Variants in ATP2A2 observed in about 807,000 individuals in gnomAD.
ATP2A2 encodes the protein sarcoplasmic/endoplasmic reticulum calcium ATPase 2.
In ATP2A2, 14 loss-of-function variants were observed where a neutral mutation model predicts 109.3. The ratio of observed to expected loss-of-function variants is 0.13; its 90% CI spans 0.08 to 0.20. The LOEUF (loss-of-function observed/expected upper bound fraction) is 0.20. ATP2A2 is among the 10% of genes least tolerant of loss of function. ATP2A2 has a pLI of 1.00. For synonymous variants in ATP2A2, 506 were observed against 490.9 expected (o/e 1.03, Z -0.41); for missense variants, 657 against 1,321.6 (o/e 0.50, Z 7.80).
At position 110,281,746 on chromosome 12, in the gene ATP2A2, AGGCCGCGGGGACGGGAGGCGAGGCC is replaced by A. The variant is rs1179395999; in HGVS notation, c.-38_-14del. Reference sequence around the variant, plus strand: ...GCCGGAGTGCGAGGCGGAGGCGAGGAGGCCGCGGGGACGGGAGGCGAGGCCGGCCGGGCCCCCGAAGCCATGGAGA... The same window carrying A: ...GCCGGAGTGCGAGGCGGAGGCGAGGAGGCCGGGCCCCCGAAGCCATGGAGA... On this transcript the variant is annotated 5_prime_UTR_variant, in exon 1 of 20. Coordinates refer to ENST00000539276, the MANE Select transcript of ATP2A2 (RefSeq NM_170665.4). 10 of 1,387,334 alleles carry A rather than the reference AGGCCGCGGGGACGGGAGGCGAGGCC, an allele frequency of 7.2e-6. No individual in the cohort carries two copies. Among genetic ancestry groups the A allele is most frequent in the East Asian group, 6.1e-5 (2 of 32,818 alleles). 85.9% of individuals were successfully genotyped at this position (1,387,334 alleles called of 1,614,324 possible). A position where few individuals can be genotyped will look rare whatever the true frequency, so the allele number is the denominator to read the frequency against.
Position 110,342,107 on chromosome 12 carries a change from C to A in ATP2A2, c.2098-121C>A. On this transcript the variant is annotated intron_variant, in intron 14 of 19. Coordinates refer to ENST00000539276, the MANE Select transcript of ATP2A2 (RefSeq NM_170665.4). The surrounding 1 kb of genome is among the most constrained non-coding windows in gnomAD (Gnocchi z 4.6). ...CTTATGAAACAAAAATTCTAAAACT[C>A]TTTGCCAAGAGACCTACGGCTCTAT... The A allele has an allele frequency of 8.8e-7, 1 of 1,133,582 alleles. No homozygotes were observed. The highest frequency in any genetic ancestry group is 1.3e-6 in the Non-Finnish European group (1 of 759,064). The allele number at this position is 1,133,582 out of a possible 1,614,324, so 70.2% of individuals were successfully genotyped here.
intron 11 of ATP2A2, among the ~76,000 whole-genome samples, chr12:110,337,873 A>G (rs1218148249): frequency 6.6e-6 from 1 of 152,258 alleles, no homozygotes; most frequent in African/African-American, 2.4e-5. Flanking sequence ...CACCATTTCT[A>G]TGCAGTATTA....
intron 16 of ATP2A2, among the ~76,000 whole-genome samples, chr12:110,344,666 T>C (rs541368368): frequency 3.9e-5 from 6 of 152,342 alleles, no homozygotes; most frequent in African/African-American, 1.4e-4. Context: ...GGAAAAGTTA[T>C]CCAGTTCTTC....
chr12:110,333,026 AT>A (rs1878493937), intron 9 of ATP2A2, among the ~76,000 whole-genome samples, 154 bp from the exon 10 acceptor site: 2 of 151,650 alleles, frequency 1.3e-5, no homozygotes, highest in African/African-American at 4.9e-5. Context: ...TTTTTGTCTA[AT>A]ATTGGCTCTG....
intron 18 of ATP2A2, chr12:110,345,619 A>G: frequency 1.5e-6 from 1 of 653,726 alleles, no homozygotes; most frequent in Non-Finnish European, 2.6e-6. Flanking sequence ...TGGGGGCCAA[A>G]AATAGGAACT....
chr12:110,348,649 T>C lies in ATP2A2; in HGVS notation c.*2179T>C. ...CCCTTTGGAGGCCACAGCAGAAGGA[T>C]TGCTTGAGCCCAGGTACTCAAACCA... On this transcript the variant is annotated 3_prime_UTR_variant, in exon 20 of 20. Coordinates refer to ENST00000539276, the MANE Select transcript of ATP2A2 (RefSeq NM_170665.4). The C allele has an allele frequency of 6.1e-6, 6 of 985,300 alleles. No individual in the cohort carries two copies. The highest frequency in any genetic ancestry group is 7.2e-6 in the Non-Finnish European group (6 of 829,928). 61.0% of individuals were successfully genotyped at this position (985,300 alleles called of 1,614,324 possible). A position where few individuals can be genotyped will look rare whatever the true frequency, so the allele number is the denominator to read the frequency against.
chr12:110,329,605 A>G (rs1878143689), intron 8 of ATP2A2: 1 of 151,692 alleles, frequency 6.6e-6, no homozygotes, highest in South Asian at 2.1e-4. Context: ...TTTAGTAGAG[A>G]TAGGGTTTCT....
At chr12:110,315,470 T>G (rs1876565745) in intron 5 of ATP2A2, among the ~76,000 whole-genome samples, 1 of 152,168 alleles carries the variant, frequency 6.6e-6, no homozygotes, top group Non-Finnish European at 1.5e-5. Context: ...GCTTTTTTAA[T>G]TTGGAGCCAC....
rs749502392 is a variant in ATP2A2, at chr12:110,342,790, G to T, written c.2318+342G>T. Among the ~76,000 whole-genome samples the T allele has an allele frequency of 6.6e-6, 1 of 151,902 alleles. No homozygotes were observed. The highest frequency in any genetic ancestry group is 1.5e-5 in the Non-Finnish European group (1 of 68,000). ...TTATTTATTTTTTTGAGACAGTCTCGCTGTCGCCCAGGCTTCGGGCAGTGG... is the reference window on the plus strand; with the variant it reads ...TTATTTATTTTTTTGAGACAGTCTCTCTGTCGCCCAGGCTTCGGGCAGTGG... On this transcript the variant is annotated intron_variant, in intron 15 of 19. Transcript: ENST00000539276. The surrounding 1 kb of genome is among the most constrained non-coding windows in gnomAD (Gnocchi z 4.6).
In ATP2A2 at chr12:110,281,715, C is replaced by G. The variant is rs886048948; in HGVS notation, c.-75C>G. On this transcript the variant is annotated 5_prime_UTR_variant, in exon 1 of 20. Transcript: ENST00000539276. ...GCCTGGGCTCCCGGGGTGGCACGAG[C>G]CCGCGGCCGGAGTGCGAGGCGGAGG... 1.8e-6 allele frequency: 2 copies of G among 1,096,386 alleles called. No individual in the cohort carries two copies. The highest frequency in any genetic ancestry group is 3.4e-5 in the African/African-American group (2 of 59,600). The allele number at this position is 1,096,386 out of a possible 1,614,324, so 67.9% of individuals were successfully genotyped here.
chr12:110,334,372 A>T, intron 11 of ATP2A2: 1 of 574,966 alleles, frequency 1.7e-6, no homozygotes, highest in South Asian at 1.9e-5. Context: ...CTCTGGGCCC[A>T]CAGGGGCTGC....
At chr12:110,283,504 G>A (rs928574073) in intron 3 of ATP2A2, among the ~76,000 whole-genome samples, 45 of 152,290 alleles carry the variant, frequency 3.0e-4, no homozygotes, top group Middle Eastern at 3.4e-3. Context: ...AAGAACTACA[G>A]CAGAAAAAGG....
In ATP2A2 at chr12:110,346,986, T is replaced by A; in HGVS notation, c.*516T>A. On this transcript the variant is annotated 3_prime_UTR_variant, in exon 20 of 20. Coordinates refer to ENST00000539276, the MANE Select transcript of ATP2A2 (RefSeq NM_170665.4). ...TACCTCAGTCAGTATTGTTTTGGTT[T>A]GCTACTTCCCTCACCCACTTTGGCC... 9.1e-7 allele frequency: 1 copy of A among 1,102,736 alleles called. No individual in the cohort carries two copies. Among genetic ancestry groups the A allele is most frequent in the South Asian group, 2.4e-5 (1 of 41,430 alleles). 68.3% of individuals were successfully genotyped at this position (1,102,736 alleles called of 1,614,324 possible).
chr12:110,322,847 T>G (rs1877382169), intron 5 of ATP2A2, 145 bp from the exon 6 acceptor site: 1 of 699,258 alleles, frequency 1.4e-6, no homozygotes, highest in African/African-American at 1.8e-5. Context: ...TTGATCACTT[T>G]GCTTGTTTTA....
At chr12:110,306,948 A>T (rs1446222426) in intron 5 of ATP2A2, among the ~76,000 whole-genome samples, 1 of 151,906 alleles carries the variant, frequency 6.6e-6, no homozygotes, top group Non-Finnish European at 1.5e-5. Context: ...TCGTACAGAT[A>T]AGGTCTCACC....
At chr12:110,313,979 T>A (rs1876387104) in intron 5 of ATP2A2, among the ~76,000 whole-genome samples, 1 of 151,652 alleles carries the variant, frequency 6.6e-6, no homozygotes, top group Non-Finnish European at 1.5e-5. Context: ...CCTCCCAAAG[T>A]GTTGGGATTA....
chr12:110,343,104 G>A (rs1328288334), intron 15 of ATP2A2, 128 bp from the exon 16 acceptor site: 1 of 982,242 alleles, frequency 1.0e-6, no homozygotes, highest in South Asian at 1.4e-5. Flanking sequence ...TTGGGTATAA[G>A]TATTTTACAG....
Position 110,326,490 on chromosome 12 carries a change from A to G in ATP2A2, c.630+15A>G, listed in dbSNP as rs1234714346. 1.3e-6 allele frequency: 2 copies of G among 1,598,026 alleles called. No individual in the cohort carries two copies. Among genetic ancestry groups the G allele is most frequent in the Admixed American group, 1.7e-5 (1 of 59,610 alleles). On this transcript the variant is annotated intron_variant, in intron 7 of 19. Transcript: ENST00000539276. ...TGCTGTTTTCTGTAAGTACTTTATG[A>G]AATGTGTTTTTATTTACAGACATTT...
chr12:110,337,075 A>G (rs892949274), intron 11 of ATP2A2, among the ~76,000 whole-genome samples: 1 of 152,170 alleles, frequency 6.6e-6, no homozygotes, highest in African/African-American at 2.4e-5. Flanking sequence ...TGACCACACA[A>G]GTACGGGCAA....
Sources: allele counts gnomAD v4.1 joint callset (sites outside exome capture counted in the v4.1 genomes callset), GRCh38; gene constraint gnomAD v4.1.1; non-coding constraint Gnocchi (gnomAD v3.1); transcripts MANE v1.5; gene names NCBI Gene and HGNC (gene_info 2026-07-23, HGNC 2026-07-21).